The following MINK1 variants were observed in gnomAD, a reference collection of about 807,000 sequenced individuals.
MINK1 encodes misshapen like kinase 1.
A neutral mutation model predicts 178.4 loss-of-function variants in MINK1; 46 were observed. That is an observed-to-expected ratio of 0.26 (90% CI 0.20 to 0.33). MINK1 has a LOEUF of 0.33. MINK1 is among the 10% of genes least tolerant of loss of function. The pLI is 1.00. For synonymous variants in MINK1, 797 were observed against 709.7 expected (o/e 1.12, Z -1.96); for missense variants, 1,366 against 1,814.9 (o/e 0.75, Z 4.49).
At chr17:4,897,030 C>T (rs1359667113) in intron 31 of MINK1, 174 bp from the exon 32 acceptor site, 4 of 854,006 alleles carry the variant, frequency 4.7e-6, no homozygotes, top group Admixed American at 2.6e-5. Context: ...TGCACCCTCT[C>T]CCCTAACATC....
At chr17:4,851,817 A>C (rs1912007932) in intron 1 of MINK1, among the ~76,000 whole-genome samples, 1 of 152,002 alleles carries the variant, frequency 6.6e-6, no homozygotes, top group African/African-American at 2.4e-5. Context: ...CCTGACCAAC[A>C]AGGTAAACCC....
At chr17:4,897,019 G>A (rs1969592415) in intron 31 of MINK1, 185 bp from the exon 32 acceptor site, 1 of 882,382 alleles carries the variant, frequency 1.1e-6, no homozygotes, top group Non-Finnish European at 1.7e-6. Flanking sequence ...GGGGCGAGTG[G>A]TGCACCCTCT....
At chr17:4,849,086 G>A (rs1320736686) in intron 1 of MINK1, among the ~76,000 whole-genome samples, 1 of 152,184 alleles carries the variant, frequency 6.6e-6, no homozygotes, top group Non-Finnish European at 1.5e-5. Context: ...GTGAGCCCCA[G>A]GTGTAGACCT....
At position 4,896,232 on chromosome 17, in the gene MINK1, C is replaced by T; in HGVS notation, c.3505C>T (p.Leu1169=). 2 of 1,604,076 alleles carry T rather than the reference C, an allele frequency of 1.2e-6. No individual in the cohort carries two copies. Among genetic ancestry groups the T allele is most frequent in the Non-Finnish European group, 1.7e-6 (2 of 1,174,624 alleles). ...CCCCCACCGCCCTCTGCTGGTCGAC[C>T]TGACAGTAGAGGAGGGGCAGCGGCT... ...DLPHRPLLVD[L]TVEEGQRLKV... Residue 1169 remains leucine, a synonymous_variant, in exon 29 of 32, where the codon CTG becomes TTG. Transcript: ENST00000355280. The surrounding 1 kb of genome is among the most constrained non-coding windows in gnomAD (Gnocchi z 4.6).
At position 4,887,499 on chromosome 17, in the gene MINK1, C is replaced by T; in HGVS notation, c.1020-81C>T. On this transcript the variant is annotated intron_variant, in intron 11 of 31. Transcript: ENST00000355280. The surrounding 1 kb of genome is among the most constrained non-coding windows in gnomAD (Gnocchi z 7.6). Reference sequence around the variant, plus strand: ...GAGGCTTTGATCCAGTTAAAGCACCCACTCAGGCGGGCCCACGGGGTTGAG... The same window carrying T: ...GAGGCTTTGATCCAGTTAAAGCACCTACTCAGGCGGGCCCACGGGGTTGAG... 7.7e-7 allele frequency: 1 copy of T among 1,299,628 alleles called. No individual in the cohort carries two copies. Among genetic ancestry groups the T allele is most frequent in the Non-Finnish European group, 1.0e-6 (1 of 965,134 alleles). The allele number at this position is 1,299,628 out of a possible 1,614,324, so 80.5% of individuals were successfully genotyped here. A position where few individuals can be genotyped will look rare whatever the true frequency, so the allele number is the denominator to read the frequency against.
chr17:4,879,862 T>C (rs1309098800), intron 2 of MINK1, among the ~76,000 whole-genome samples: 3 of 152,220 alleles, frequency 2.0e-5, no homozygotes, highest in African/African-American at 7.2e-5. Context: ...TCGACAAGAA[T>C]AAAAAGCTTT....
rs1245035965 is a variant in MINK1 at position 4,896,647 on chromosome 17, G to A, written c.3776-27G>A. ...CCGAGGTGGCCCCGGGGTGCAGCCT[G>A]CTCAGCCCCTCACCTGTTCCCCACA... On this transcript the variant is annotated intron_variant, in intron 30 of 31. Transcript: ENST00000355280. This position sits in a 1 kb window ranked among gnomAD's most constrained non-coding sequence, Gnocchi z 4.6. The A allele has an allele frequency of 1.2e-6, 2 of 1,607,604 alleles. No homozygotes were observed. Among genetic ancestry groups the A allele is most frequent in the Non-Finnish European group, 1.7e-6 (2 of 1,176,060 alleles).
Position 4,890,498 on chromosome 17 carries a change from TCCCTAC to T in MINK1, c.1348-16_1348-11del. On this transcript the variant is annotated splice_polypyrimidine_tract_variant and intron_variant, in intron 13 of 31. Transcript: ENST00000355280. ...GGGCCACACCCTGCTGAGCCCTCTC[TCCCTAC>T]CCTTGGGCCCAGGAATACAAGCGGA... is the stretch of plus-strand genomic sequence containing the variant. The T allele has an allele frequency of 6.4e-7, 1 of 1,573,820 alleles. No individual in the cohort carries two copies. The highest frequency in any genetic ancestry group is 8.6e-7 in the Non-Finnish European group (1 of 1,160,206).
In MINK1 at chr17:4,893,753, C is replaced by A; in HGVS notation, c.2564+156C>A. The A allele has an allele frequency of 1.4e-5, 17 of 1,173,188 alleles. No individual in the cohort carries two copies. In the South Asian group the frequency reaches 2.7e-4, roughly 19 times the overall value. The allele number at this position is 1,173,188 out of a possible 1,614,324, so 72.7% of individuals were successfully genotyped here. A position where few individuals can be genotyped will look rare whatever the true frequency, so the allele number is the denominator to read the frequency against. On this transcript the variant is annotated intron_variant, in intron 21 of 31. Transcript: ENST00000355280. The stretch of plus-strand genomic sequence containing the variant: ...GGTGCAGGTTCCTGTCTCTCTCCCG[C>A]TGCCCTGTGTGTTGTGGGGTGGCCT...
rs982920570 is a variant in MINK1, at chr17:4,885,071, T to TTC, written c.508+75_508+76dup. The stretch of plus-strand genomic sequence containing the variant: ...AGAACAGAGAATGAGGGGCCCCTTT[T>TTC]TCTCTCTGGTGGCTCAGGCCCAACT... On this transcript the variant is annotated intron_variant, in intron 6 of 31. Transcript: ENST00000355280. The surrounding 1 kb of genome is among the most constrained non-coding windows in gnomAD (Gnocchi z 5.0). 7 of 1,455,400 alleles carry TTC rather than the reference T, an allele frequency of 4.8e-6. No individual in the cohort carries two copies. In the African/African-American group the frequency reaches 8.4e-5, roughly 17 times the overall value. 90.2% of individuals were successfully genotyped at this position (1,455,400 alleles called of 1,614,324 possible).
intron 12 of MINK1, among the ~76,000 whole-genome samples, 176 bp from the exon 13 acceptor site, chr17:4,889,471 A>T (rs1427096237): frequency 6.6e-6 from 1 of 152,054 alleles, no homozygotes; most frequent in Non-Finnish European, 1.5e-5. Context: ...TGTTTACCCG[A>T]GCCCAGCCCC....
At chr17:4,840,783 C>T (rs1032835442) in intron 1 of MINK1, among the ~76,000 whole-genome samples, 3 of 152,040 alleles carry the variant, frequency 2.0e-5, no homozygotes, top group African/African-American at 7.3e-5. Context: ...ACTGATTTTG[C>T]GTGTTTGAAA....
intron 4 of MINK1, 136 bp downstream of exon 4, chr17:4,881,393 C>A: frequency 9.7e-7 from 1 of 1,028,272 alleles, no homozygotes. Context: ...TCCCCTGTCC[C>A]TGGACCCAGA....
At chr17:4,846,794 C>T (rs138761676) in intron 1 of MINK1, among the ~76,000 whole-genome samples, 14 of 152,116 alleles carry the variant, frequency 9.2e-5, no homozygotes, top group South Asian at 6.2e-4. Context: ...CCTCTGCCCC[C>T]CAAAGTGCTA....
chr17:4,833,685 C>G lies in MINK1; in HGVS notation c.57+45C>G. The G allele has an allele frequency of 7.0e-7, 1 of 1,434,992 alleles. No individual in the cohort carries two copies. The highest frequency in any genetic ancestry group is 9.2e-7 in the Non-Finnish European group (1 of 1,088,576). The allele number at this position is 1,434,992 out of a possible 1,614,324, so 88.9% of individuals were successfully genotyped here. A position where few individuals can be genotyped will look rare whatever the true frequency, so the allele number is the denominator to read the frequency against. ...GCCTCGCCCTGGTTCCTGTCCCCGC[C>G]GCAGGGGAGGGAGCGGGGTGGCTGC... is the stretch of plus-strand genomic sequence containing the variant. On this transcript the variant is annotated intron_variant, in intron 1 of 31. Coordinates refer to ENST00000355280, the MANE Select transcript of MINK1 (RefSeq NM_153827.5). The surrounding 1 kb of genome is among the most constrained non-coding windows in gnomAD (Gnocchi z 4.8).
rs777233454 is a variant in MINK1 at position 4,894,507 on chromosome 17, G to A, written c.2809-18G>A. 1 of 1,576,270 alleles carries A rather than the reference G, an allele frequency of 6.3e-7. No individual in the cohort carries two copies. Among genetic ancestry groups the A allele is most frequent in the Non-Finnish European group, 8.6e-7 (1 of 1,159,506 alleles). ...TGGACTTGCACTTGTTTGCCTGACT[G>A]CTGTCCCCCTACCACAGTACCAGTC... On this transcript the variant is annotated intron_variant, in intron 23 of 31. Coordinates refer to ENST00000355280, the MANE Select transcript of MINK1 (RefSeq NM_153827.5). This position sits in a 1 kb window ranked among gnomAD's most constrained non-coding sequence, Gnocchi z 4.1.
chr17:4,876,942 A>G (rs1967233524), intron 1 of MINK1, among the ~76,000 whole-genome samples: 1 of 152,142 alleles, frequency 6.6e-6, no homozygotes, highest in South Asian at 2.1e-4. Flanking sequence ...AAAAAAAACT[A>G]GCCAGGAGCG....
chr17:4,891,538 G>A lies in MINK1; in HGVS notation c.1823G>A (p.Arg608Gln), dbSNP rs763849137. The change falls in exon 16 of 32, where the codon CGA becomes CAA. Residue 608 changes from arginine (R) to glutamine (Q), a missense_variant. Coordinates refer to ENST00000355280, the MANE Select transcript of MINK1 (RefSeq NM_153827.5). ...CAGTCCCTGCAGGACCAGCCCACCC[G>A]AAACCTGGCTGCCTTCCCAGCCTCC... Reference protein sequence around the residue: ...RSQSLQDQPTRNLAAFPASHD... With the variant: ...RSQSLQDQPTQNLAAFPASHD... 3.6e-5 allele frequency: 58 copies of A among 1,610,140 alleles called. 1 individual carries two copies. The South Asian group carries it at 4.9e-4, about 14-fold the overall frequency.
chr17:4,852,884 A>T (rs1316267002), intron 1 of MINK1, among the ~76,000 whole-genome samples: 4 of 218 alleles, frequency 0.018, no homozygotes, highest in African/African-American at 0.077. Context: ...GGGGAGTGTG[A>T]TTTGTGGGGG....
Sources: gnomAD v4.1 joint callset for allele counts (sites outside exome capture counted in the v4.1 genomes callset) on GRCh38, gnomAD v4.1.1 for gene constraint, Gnocchi (gnomAD v3.1) non-coding constraint, MANE v1.5 for transcripts, NCBI Gene and HGNC (gene_info 2026-07-23, HGNC 2026-07-21) for gene names.